EFNA5: variants seen among roughly 807,000 people sequenced by gnomAD.
EFNA5 encodes the protein ephrin-A5.
Under a neutral mutation model 22.9 loss-of-function variants are expected in EFNA5, and 5 were observed. The ratio of observed to expected loss-of-function variants is 0.22; its 90% confidence interval spans 0.11 to 0.46. The LOEUF is 0.46. Ranked by LOEUF, EFNA5 falls within the 20% of genes least tolerant of loss-of-function variation. The probability of loss-of-function intolerance (pLI) is 0.99; values close to 1 mark genes in which losing one functional copy is unlikely to be tolerated. For synonymous variants in EFNA5, 113 were observed against 112.2 expected (o/e 1.01, Z -0.04); for missense variants, 237 against 293.3 (o/e 0.81, Z 1.40).
At chr5:107,523,719 T>C (rs986445542) in intron 1 of EFNA5, among the ~76,000 whole-genome samples, 3 of 152,228 alleles carry the variant, frequency 2.0e-5, no homozygotes, top group African/African-American at 7.2e-5. Context: ...ATCCCTTCAC[T>C]TTCCTTTTTG....
intron 1 of EFNA5, among the ~76,000 whole-genome samples, chr5:107,500,308 C>T (rs1365851070): frequency 7.2e-5 from 11 of 152,220 alleles, no homozygotes; most frequent in South Asian, 2.1e-4. Context: ...TGATCTTTTA[C>T]GTTTTCCCTA....
At chr5:107,398,309 A>C (rs1747982695) in intron 2 of EFNA5, among the ~76,000 whole-genome samples, 1 of 152,120 alleles carries the variant, frequency 6.6e-6, no homozygotes, top group African/African-American at 2.4e-5. Flanking sequence ...TCTCCAACAC[A>C]ATAACCCTCT....
intron 3 of EFNA5, 43 bp downstream of exon 3, chr5:107,387,663 G>A: frequency 6.9e-7 from 1 of 1,441,160 alleles, no homozygotes; most frequent in African/African-American, 1.4e-5. Context: ...AATAAAGCAT[G>A]CGCGGTGAAG....
chr5:107,663,087 G>C (rs1240488787), intron 1 of EFNA5, among the ~76,000 whole-genome samples: 3 of 151,972 alleles, frequency 2.0e-5, no homozygotes, highest in Non-Finnish European at 2.9e-5. Context: ...AAATAAGATA[G>C]CGCTTTAAAT....
intron 1 of EFNA5, among the ~76,000 whole-genome samples, chr5:107,432,534 A>T (rs1748990544): frequency 6.6e-6 from 1 of 152,208 alleles, no homozygotes. Context: ...CTGGCTGTAC[A>T]CCAAGCCAGC....
At chr5:107,591,841 A>ATT (rs1246018342) in intron 1 of EFNA5, among the ~76,000 whole-genome samples, 1 of 100,632 alleles carries the variant, frequency 9.9e-6, no homozygotes, top group Non-Finnish European at 1.8e-5. Flanking sequence ...ATATATATAT[A>ATT]TAAAATATAT....
intron 1 of EFNA5, among the ~76,000 whole-genome samples, chr5:107,482,076 G>A (rs1232399276): frequency 5.3e-5 from 8 of 152,138 alleles, no homozygotes; most frequent in Non-Finnish European, 7.4e-5. Context: ...TTGGGATGCT[G>A]AGGCAGGTGG....
In EFNA5 at chr5:107,587,931, G is replaced by A. The variant is rs142328937; in HGVS notation, c.125+82558C>T. Among the ~76,000 whole-genome samples the A allele has an allele frequency of 2.2e-3, 329 of 152,278 alleles. 1 individual carries two copies. Among genetic ancestry groups the A allele is most frequent in the African/African-American group, 6.7e-3 (279 of 41,562 alleles). ...AGATGCGAAGACAAGTGGACCCACG[G>A]CATGCTAAAGCAACAACTACAGGCT... On this transcript the variant is annotated intron_variant, in intron 1 of 4. Transcript: ENST00000333274.
At chr5:107,578,564 T>G (rs545226130) in intron 1 of EFNA5, among the ~76,000 whole-genome samples, 1 of 151,724 alleles carries the variant, frequency 6.6e-6, no homozygotes, top group East Asian at 1.9e-4. Context: ...AAAATTGTAA[T>G]ATATGTAAAA....
intron 1 of EFNA5, among the ~76,000 whole-genome samples, chr5:107,449,798 T>C (rs1319024898): frequency 6.6e-6 from 1 of 152,216 alleles, no homozygotes; most frequent in African/African-American, 2.4e-5. Context: ...AACATCTGCA[T>C]TACTGTCTCT....
intron 1 of EFNA5, among the ~76,000 whole-genome samples, chr5:107,527,078 A>C (rs62355611): frequency 0.06 from 9,122 of 152,118 alleles, 329 homozygotes; most frequent in African/African-American, 0.076. Flanking sequence ...GGGAAAAAAT[A>C]TTTGTGCTTT....
intron 1 of EFNA5, among the ~76,000 whole-genome samples, chr5:107,439,728 G>A (rs1381261167): frequency 1.3e-5 from 2 of 152,204 alleles, no homozygotes; most frequent in South Asian, 2.1e-4. Context: ...CTACAAAAAC[G>A]ACTGTATTAT....
chr5:107,643,872 T>TAAC (rs139251839), intron 1 of EFNA5, among the ~76,000 whole-genome samples: 10,909 of 74,602 alleles, frequency 0.15, 883 homozygotes, highest in African/African-American at 0.33. Context: ...CTATTTTCTT[T>TAAC]AATAATAATA....
chr5:107,635,346 C>G (rs1750350575), intron 1 of EFNA5, among the ~76,000 whole-genome samples: 1 of 152,194 alleles, frequency 6.6e-6, no homozygotes, highest in African/African-American at 2.4e-5. Context: ...CTAGGCAAAA[C>G]AAGCTACTTC....
intron 1 of EFNA5, among the ~76,000 whole-genome samples, chr5:107,453,548 A>G (rs918057382): frequency 2.0e-5 from 3 of 152,190 alleles, no homozygotes; most frequent in African/African-American, 7.2e-5. Context: ...AAGTACAGAA[A>G]CAAATAGAAA....
At chr5:107,482,858 CTCTCTCTCTCTCTATATATATATA>C (rs1750518961) in intron 1 of EFNA5, among the ~76,000 whole-genome samples, 3 of 91,564 alleles carry the variant, frequency 3.3e-5, no homozygotes, top group South Asian at 4.4e-4. Context: ...CTCTCTCTCT[CTCTCTCTCTCTCTATATATATATA>C]TATATATATA....
intron 1 of EFNA5, among the ~76,000 whole-genome samples, chr5:107,531,686 T>C (rs1357517303): frequency 6.6e-6 from 1 of 152,198 alleles, no homozygotes; most frequent in Non-Finnish European, 1.5e-5. Context: ...TTCCCCAACC[T>C]TACAAATCTA....
chr5:107,474,177 G>T (rs1034820873), intron 1 of EFNA5, among the ~76,000 whole-genome samples: 7 of 152,102 alleles, frequency 4.6e-5, no homozygotes, highest in African/African-American at 1.7e-4. Context: ...TGAAAACTTG[G>T]ATGATCAGAT....
At chr5:107,401,484 A>G (rs1748082887) in intron 2 of EFNA5, among the ~76,000 whole-genome samples, 1 of 152,262 alleles carries the variant, frequency 6.6e-6, no homozygotes, top group South Asian at 2.1e-4. Context: ...AAGTCTGAAT[A>G]GAAACAACTT....
Sources: gnomAD v4.1 joint callset for allele counts (sites outside exome capture counted in the v4.1 genomes callset) on GRCh38, gnomAD v4.1.1 for gene constraint, MANE v1.5 for transcripts, NCBI Gene and HGNC (gene_info 2026-07-23, HGNC 2026-07-21) for gene names.